SFRP1: variants seen among roughly 807,000 people sequenced by gnomAD.
SFRP1 encodes the protein secreted frizzled-related protein 1.
A neutral mutation model predicts 25.9 loss-of-function variants in SFRP1; 9 were observed. That is an observed-to-expected ratio of 0.35 (90% CI 0.21 to 0.61). SFRP1 has a LOEUF of 0.61. Among genes scored for constraint, SFRP1 ranks in the 20% least tolerant of loss-of-function variants. SFRP1 has a pLI of 0.78. For missense variants in SFRP1, 346 were observed against 418.2 expected (o/e 0.83, Z 1.51); for synonymous variants, 178 against 174.0 (o/e 1.02, Z -0.18).
At chr8:41,277,540 G>A (rs142868947) in intron 2 of SFRP1, among the ~76,000 whole-genome samples, 55 of 152,332 alleles carry the variant, frequency 3.6e-4, no homozygotes, top group South Asian at 1.7e-3. Flanking sequence ...CTGGAGGATT[G>A]TTAAAAATGC....
intron 1 of SFRP1, among the ~76,000 whole-genome samples, chr8:41,305,944 A>G (rs1324415379): frequency 6.6e-6 from 1 of 152,222 alleles, no homozygotes; most frequent in African/African-American, 2.4e-5. Context: ...CCTCTGCCAC[A>G]CTGACTAAAT....
At chr8:41,293,175 T>C (rs2117507963) in intron 2 of SFRP1, among the ~76,000 whole-genome samples, 2 of 152,314 alleles carry the variant, frequency 1.3e-5, no homozygotes, top group South Asian at 4.1e-4. Flanking sequence ...CTCAGGCCCA[T>C]GGCCACAACC....
intron 1 of SFRP1, chr8:41,307,076 G>A (rs1044784807): frequency 6.7e-6 from 9 of 1,341,970 alleles, no homozygotes; most frequent in Non-Finnish European, 7.8e-6. Flanking sequence ...GGGCAGGGCT[G>A]GGCTAATCCC....
intron 2 of SFRP1, among the ~76,000 whole-genome samples, chr8:41,280,001 A>C (rs1375360509): frequency 6.6e-6 from 1 of 152,204 alleles, no homozygotes; most frequent in Non-Finnish European, 1.5e-5. Flanking sequence ...CAATAGCAGG[A>C]AGGCTTGAAG....
At chr8:41,279,468 C>A (rs962472175) in intron 2 of SFRP1, among the ~76,000 whole-genome samples, 2 of 152,140 alleles carry the variant, frequency 1.3e-5, no homozygotes, top group African/African-American at 2.4e-5. Context: ...GGGAGCAGAA[C>A]CTTTCTGTCC....
chr8:41,276,544 G>C (rs1308205507), intron 2 of SFRP1, among the ~76,000 whole-genome samples: 1 of 152,168 alleles, frequency 6.6e-6, no homozygotes, highest in African/African-American at 2.4e-5. Context: ...CTTGTGCTTT[G>C]TCACAATAAC....
intron 2 of SFRP1, among the ~76,000 whole-genome samples, chr8:41,300,047 G>T (rs1032228602): frequency 1.3e-5 from 2 of 152,148 alleles, no homozygotes; most frequent in African/African-American, 4.8e-5. Flanking sequence ...GTTTAGTTTG[G>T]AAAGGCTGAG....
intron 2 of SFRP1, among the ~76,000 whole-genome samples, chr8:41,285,602 G>C (rs1803689624): frequency 6.6e-6 from 1 of 152,206 alleles, no homozygotes; most frequent in South Asian, 2.1e-4. Flanking sequence ...CAGGGACCCT[G>C]AGGCCAGCCC....
At chr8:41,273,965 T>A (rs1324340122) in intron 2 of SFRP1, among the ~76,000 whole-genome samples, 1 of 152,150 alleles carries the variant, frequency 6.6e-6, no homozygotes, top group Non-Finnish European at 1.5e-5. Context: ...CTGCTCTCCC[T>A]CCCTTCCCAA....
chr8:41,304,561 G>A (rs924433106), intron 1 of SFRP1, among the ~76,000 whole-genome samples: 8 of 152,140 alleles, frequency 5.3e-5, no homozygotes, highest in African/African-American at 1.4e-4. Flanking sequence ...GAAAGTCACC[G>A]CTGACCCTGC....
At chr8:41,268,012 T>C (rs908084347) in intron 2 of SFRP1, among the ~76,000 whole-genome samples, 35 of 152,172 alleles carry the variant, frequency 2.3e-4, no homozygotes, top group African/African-American at 8.0e-4. Context: ...GAAACTGCAT[T>C]TGTGAAAGCT....
chr8:41,306,935 T>C lies in SFRP1; in HGVS notation c.544+1681A>G. The C allele has an allele frequency of 1.9e-6, 3 of 1,546,184 alleles. No homozygotes were observed. In the South Asian group the frequency reaches 3.6e-5, roughly 18 times the overall value. ...ACCCGTCCAATCCCCCCATGTTCCC[T>C]GTGGACTGCAGCACCTTTTCCGCAG... On this transcript the variant is annotated intron_variant, in intron 1 of 2. Transcript: ENST00000220772.
intron 2 of SFRP1, among the ~76,000 whole-genome samples, chr8:41,273,963 C>G (rs1417941682): frequency 6.6e-6 from 1 of 152,098 alleles, no homozygotes; most frequent in African/African-American, 2.4e-5. Flanking sequence ...TTCTGCTCTC[C>G]CTCCCTTCCC....
intron 2 of SFRP1, among the ~76,000 whole-genome samples, chr8:41,270,318 T>C (rs183093051): frequency 2.0e-5 from 3 of 152,160 alleles, no homozygotes; most frequent in Admixed American, 1.3e-4. Context: ...TATAAACACA[T>C]GCAAGAAAGT....
rs75754308 is a variant in SFRP1, at chr8:41,303,094, G to A, written c.622+367C>T. Among the ~76,000 whole-genome samples, 887 of 149,614 alleles carry A rather than the reference G, an allele frequency of 5.9e-3. 10 individuals carry two copies. The highest frequency in any genetic ancestry group is 0.02 in the African/African-American group (796 of 40,588). On this transcript the variant is annotated intron_variant, in intron 2 of 2. Transcript: ENST00000220772. ...AAAAAGAGCCAGTCCGGAAAAAACC[G>A]GGCCCAACCAGACACAGTAGCAGGT...
At chr8:41,304,644 G>A (rs571078927) in intron 1 of SFRP1, among the ~76,000 whole-genome samples, 24 of 152,178 alleles carry the variant, frequency 1.6e-4, no homozygotes, top group African/African-American at 3.9e-4. Context: ...CATGGCTTCC[G>A]TGGCAGCATC....
At chr8:41,276,660 A>G (rs1803575762) in intron 2 of SFRP1, among the ~76,000 whole-genome samples, 1 of 152,244 alleles carries the variant, frequency 6.6e-6, no homozygotes, top group South Asian at 2.1e-4. Context: ...AAACTAAAAG[A>G]ACAAGATCCA....
At chr8:41,291,579 T>C (rs372546548) in intron 2 of SFRP1, among the ~76,000 whole-genome samples, 1 of 152,174 alleles carries the variant, frequency 6.6e-6, no homozygotes, top group East Asian at 1.9e-4. Flanking sequence ...AGCTCCCTTC[T>C]GTATGCTCCC....
At chr8:41,277,939 A>C (rs1188394354) in intron 2 of SFRP1, among the ~76,000 whole-genome samples, 1 of 152,162 alleles carries the variant, frequency 6.6e-6, no homozygotes, top group Non-Finnish European at 1.5e-5. Flanking sequence ...CAAGTCCCCA[A>C]GTGATGTTAA....
Sources: gnomAD v4.1 joint callset for allele counts (sites outside exome capture counted in the v4.1 genomes callset) on GRCh38, gnomAD v4.1.1 for gene constraint, MANE v1.5 for transcripts, NCBI Gene and HGNC (gene_info 2026-07-23, HGNC 2026-07-21) for gene names.